LRP5: variants seen among roughly 807,000 people sequenced by gnomAD.
The protein encoded by LRP5 is low-density lipoprotein receptor-related protein 5.
In LRP5, 62 loss-of-function variants were observed where a neutral mutation model predicts 154.1. The ratio of observed to expected loss-of-function variants is 0.40; its 90% CI spans 0.33 to 0.50. LRP5 has a LOEUF of 0.50. LRP5 is among the 20% of genes least tolerant of loss of function. The probability of loss-of-function intolerance (pLI) is 0.55; values close to 1 mark genes in which losing one functional copy is unlikely to be tolerated. For missense variants in LRP5, 1,915 were observed against 2,336.7 expected, an observed-to-expected ratio of 0.82 and a Z score of 3.72; for synonymous variants, 966 against 1,011.5, an observed-to-expected ratio of 0.96 and a Z score of 0.85.
chr11:68,411,775 T>C lies in LRP5; in HGVS notation c.2503+155T>C, dbSNP rs569793077. On this transcript the variant is annotated intron_variant, in intron 11 of 22. Transcript: ENST00000294304. ...ACGACTGCCCAGCAGCCTCACCCTC[T>C]GCTGTGGGAGTTGTCCCCGTCCACC... Among the ~76,000 whole-genome samples the C allele has an allele frequency of 2.0e-5, 3 of 152,314 alleles. No individual in the cohort carries two copies. The South Asian group carries it at 6.2e-4, about 32-fold the overall frequency.
At chr11:68,324,663 C>T (rs538455220) in intron 1 of LRP5, among the ~76,000 whole-genome samples, 24 of 152,350 alleles carry the variant, frequency 1.6e-4, no homozygotes, top group South Asian at 6.2e-4. Flanking sequence ...AAGGAAATGA[C>T]GTTTATTAAG....
intron 1 of LRP5, among the ~76,000 whole-genome samples, chr11:68,329,810 T>C (rs1340342591): frequency 6.6e-6 from 1 of 152,232 alleles, no homozygotes; most frequent in Non-Finnish European, 1.5e-5. Context: ...CTGGAACTGT[T>C]TCTCTCACTA....
chr11:68,433,365 A>C (rs1460564302), intron 17 of LRP5, among the ~76,000 whole-genome samples: 1 of 152,172 alleles, frequency 6.6e-6, no homozygotes, highest in South Asian at 2.1e-4. Context: ...ATACGGATGC[A>C]TGTCTTCTTG....
At chr11:68,397,972 T>TTGTGTGTGTGTGTGTTTG (rs1554968641) in intron 7 of LRP5, among the ~76,000 whole-genome samples, 4 of 142,092 alleles carry the variant, frequency 2.8e-5, no homozygotes, top group Non-Finnish European at 1.5e-5. Flanking sequence ...CTGTGTGTGT[T>TTGTGTGTGTGTGTGTTTG]TGTGTGTGTG....
At chr11:68,425,336 C>T in intron 15 of LRP5, 44 bp downstream of exon 15, 1 of 1,566,918 alleles carries the variant, frequency 6.4e-7, no homozygotes, top group Non-Finnish European at 8.6e-7. Flanking sequence ...ACCCGGCCTT[C>T]ATTGTCAGTA....
intron 5 of LRP5, among the ~76,000 whole-genome samples, chr11:68,376,352 T>G (rs1018736743): frequency 6.6e-6 from 1 of 151,996 alleles, no homozygotes; most frequent in African/African-American, 2.4e-5. Flanking sequence ...CGGCTTATTT[T>G]TTGTATTTTT....
intron 5 of LRP5, among the ~76,000 whole-genome samples, chr11:68,375,340 G>A (rs189461388): frequency 7.5e-4 from 115 of 152,338 alleles, no homozygotes; most frequent in Admixed American, 1.2e-3. Context: ...AGAAGGCTCC[G>A]ACTCCCTTCC....
intron 5 of LRP5, among the ~76,000 whole-genome samples, chr11:68,379,015 C>G (rs2153148237): frequency 6.6e-6 from 1 of 151,966 alleles, no homozygotes; most frequent in South Asian, 2.1e-4. Context: ...CCACTGCACT[C>G]CAGCCTGGCA....
At chr11:68,321,156 C>T (rs1160416768) in intron 1 of LRP5, among the ~76,000 whole-genome samples, 7 of 146,682 alleles carry the variant, frequency 4.8e-5, no homozygotes, top group African/African-American at 1.5e-4. Flanking sequence ...TCCATCCTAT[C>T]CATTCATTGT....
At chr11:68,351,812 G>A (rs908922739) in intron 2 of LRP5, among the ~76,000 whole-genome samples, 9 of 152,172 alleles carry the variant, frequency 5.9e-5, no homozygotes, top group Non-Finnish European at 1.3e-4. Context: ...AGGGGCTTCC[G>A]TCGGAGCTCA....
chr11:68,390,423 TA>T (rs1185168907), intron 7 of LRP5, among the ~76,000 whole-genome samples: 3 of 152,224 alleles, frequency 2.0e-5, no homozygotes, highest in African/African-American at 7.2e-5. Context: ...AATACAAAAT[TA>T]AGACAAAAAG....
intron 1 of LRP5, among the ~76,000 whole-genome samples, chr11:68,327,499 C>T (rs945762587): frequency 7.2e-5 from 11 of 151,980 alleles, no homozygotes; most frequent in African/African-American, 2.7e-4. Flanking sequence ...CCCCCTTAGG[C>T]AGCATGAAAA....
At chr11:68,335,148 G>A (rs1350367494) in intron 1 of LRP5, among the ~76,000 whole-genome samples, 2 of 150,700 alleles carry the variant, frequency 1.3e-5, no homozygotes, top group Non-Finnish European at 3.0e-5. Context: ...ACAATCATGG[G>A]TCACTGCAGC....
the LRP5 span, among the ~76,000 whole-genome samples, chr11:68,300,575 C>T: frequency 1.3e-5 from 2 of 149,638 alleles, 1 homozygote. Flanking sequence ...CCCTCAGCAC[C>T]CAAACCCTCT....
At chr11:68,437,393 T>C (rs1231747756) in intron 19 of LRP5, among the ~76,000 whole-genome samples, 2 of 152,230 alleles carry the variant, frequency 1.3e-5, no homozygotes, top group Non-Finnish European at 2.9e-5. Flanking sequence ...ACATGTCATG[T>C]GCACACACAT....
Position 68,403,500 on chromosome 11 carries a change from G to T in LRP5, c.1602G>T (p.Gly534=). 2.5e-6 allele frequency: 4 copies of T among 1,614,130 alleles called. No homozygotes were observed. Among genetic ancestry groups the T allele is most frequent in the Non-Finnish European group, 3.4e-6 (4 of 1,180,032 alleles). ...TDKIEVINVD[G]TKRRTLLEDK... is the part of the protein sequence containing the mutation. ...TCCTGCAGGTGATCAATGTTGATGG[G>T]ACGAAGAGGCGGACCCTCCTGGAGG... The change falls in exon 8 of 23, where the codon GGG becomes GGT. Residue 534 remains glycine (G), a synonymous_variant. Coordinates refer to ENST00000294304, the MANE Select transcript of LRP5 (RefSeq NM_002335.4).
chr11:68,386,785 C>A lies in LRP5; in HGVS notation c.1412+73C>A. 6.7e-7 allele frequency: 1 copy of A among 1,503,736 alleles called. No homozygotes were observed. Among genetic ancestry groups the A allele is most frequent in the South Asian group, 1.2e-5 (1 of 82,294 alleles). The allele number at this position is 1,503,736 out of a possible 1,614,324, so 93.1% of individuals were successfully genotyped here. A position where few individuals can be genotyped will look rare whatever the true frequency, so the allele number is the denominator to read the frequency against. ...CAGGCGAGAGGGAGATTGACCTGGA[C>A]CTGTCATTCTGGGACACTGTCTTGC... is the stretch of plus-strand genomic sequence containing the variant. On this transcript the variant is annotated intron_variant, in intron 6 of 22. Transcript: ENST00000294304. This position sits in a 1 kb window ranked among gnomAD's most constrained non-coding sequence, Gnocchi z 7.9.
At chr11:68,365,821 G>A (rs2098630767) in intron 5 of LRP5, 119 bp downstream of exon 5, 4 of 1,050,082 alleles carry the variant, frequency 3.8e-6, no homozygotes, top group East Asian at 5.2e-5. Flanking sequence ...TGATCCACTT[G>A]GCGGGTGTGG....
chr11:68,382,033 C>T (rs1169067923), intron 5 of LRP5, among the ~76,000 whole-genome samples: 1 of 152,250 alleles, frequency 6.6e-6, no homozygotes, highest in Admixed American at 6.5e-5. Context: ...CTCACTCAGA[C>T]CTTCAGGCAA....
Sources: allele counts gnomAD v4.1 joint callset (sites outside exome capture counted in the v4.1 genomes callset), GRCh38; gene constraint gnomAD v4.1.1; non-coding constraint Gnocchi (gnomAD v3.1); transcripts MANE v1.5; gene names NCBI Gene and HGNC (gene_info 2026-07-23, HGNC 2026-07-21).